The following LRP1B variants were observed in gnomAD, a reference collection of about 807,000 sequenced individuals.
The protein encoded by LRP1B is LDL receptor related protein 1B, also known as low-density lipoprotein receptor-related protein 1B.
In LRP1B, 217 loss-of-function variants were observed where a neutral mutation model predicts 556.6. The observed-to-expected ratio is 0.39, with a 90% CI of 0.35 to 0.44. The LOEUF is 0.44. Ranked by LOEUF, LRP1B falls within the 20% of genes least tolerant of loss-of-function variation. The pLI is 1.00. For synonymous variants in LRP1B, 2,047 were observed against 1,865.8 expected (o/e 1.10, Z -2.50); for missense variants, 5,053 against 5,620.8 (o/e 0.90, Z 3.23).
At chr2:141,717,873 T>A (rs548806912) in intron 2 of LRP1B, among the ~76,000 whole-genome samples, 16 of 152,364 alleles carry the variant, frequency 1.1e-4, no homozygotes, top group African/African-American at 3.4e-4. Flanking sequence ...GCTCCTTCTA[T>A]GAGACAGAGT....
Position 140,982,255 on chromosome 2 carries a change from T to G in LRP1B, c.2792A>C (p.Gln931Pro). ...TCTARTCQVD[Q>P]FSCGNGRCIP... ...GCAACGCCCATTTCCGCAAGAAAAC[T>G]GGTCTACCTGGCATGTTCTGGCTAT... The change falls in exon 18 of 91, where the codon CAG (glutamine) becomes CCG (proline). Residue 931 changes from glutamine to proline, a missense_variant. Gln to Pro is a moderately conservative substitution (Grantham distance 76). Around this residue, in one of 5 missense-constraint regions of LRP1B, gnomAD observed 3,619 missense variants for 3,931.9 expected, o/e 0.92. Transcript: ENST00000389484. The G allele has an allele frequency of 6.2e-7, 1 of 1,613,106 alleles. No individual in the cohort carries two copies. Among genetic ancestry groups the G allele is most frequent in the Non-Finnish European group, 8.5e-7 (1 of 1,179,326 alleles).
At chr2:140,985,974 T>C (rs975591977) in intron 17 of LRP1B, among the ~76,000 whole-genome samples, 3 of 151,894 alleles carry the variant, frequency 2.0e-5, no homozygotes, top group South Asian at 4.1e-4. Flanking sequence ...GGTAACTACT[T>C]TTAATTTGTT....
At chr2:140,541,426 T>A (rs1379454488) in intron 44 of LRP1B, among the ~76,000 whole-genome samples, 2 of 152,078 alleles carry the variant, frequency 1.3e-5, no homozygotes, top group African/African-American at 4.8e-5. Context: ...AGTTTATCTA[T>A]CAAGTGTAAT....
intron 2 of LRP1B, among the ~76,000 whole-genome samples, chr2:141,733,558 T>C (rs1029311592): frequency 3.9e-5 from 6 of 152,104 alleles, no homozygotes; most frequent in African/African-American, 2.4e-5. Context: ...TCCTTTAATG[T>C]CTCCCCGCTG....
At chr2:142,017,935 C>T (rs1237670201) in intron 1 of LRP1B, among the ~76,000 whole-genome samples, 2 of 146,424 alleles carry the variant, frequency 1.4e-5, no homozygotes, top group Non-Finnish European at 3.0e-5. Flanking sequence ...TATTTGTGCT[C>T]ATCTATCTAC....
At chr2:140,860,233 A>C (rs2105139198) in intron 27 of LRP1B, among the ~76,000 whole-genome samples, 1 of 152,312 alleles carries the variant, frequency 6.6e-6, no homozygotes, top group South Asian at 2.1e-4. Context: ...TGGATGTCTT[A>C]TAAAACAGGG....
chr2:140,287,718 C>T (rs911888696), intron 84 of LRP1B, among the ~76,000 whole-genome samples: 2 of 150,354 alleles, frequency 1.3e-5, no homozygotes, highest in East Asian at 2.0e-4. Context: ...GACTAAGTGG[C>T]TTCCTATTCC....
chr2:141,664,332 A>C (rs994099582), intron 2 of LRP1B, among the ~76,000 whole-genome samples: 1 of 152,192 alleles, frequency 6.6e-6, no homozygotes, highest in South Asian at 2.1e-4. Context: ...ACTCTTATTC[A>C]ACATAGTATT....
At chr2:140,255,636 T>G (rs72910132) in intron 86 of LRP1B, among the ~76,000 whole-genome samples, 3 of 152,154 alleles carry the variant, frequency 2.0e-5, no homozygotes, top group African/African-American at 7.2e-5. Context: ...TGCTGATCAG[T>G]GTACTTGCTG....
chr2:140,347,992 TATTAATAC>T (rs1681770314), intron 77 of LRP1B, among the ~76,000 whole-genome samples: 1 of 152,066 alleles, frequency 6.6e-6, no homozygotes, highest in Non-Finnish European at 1.5e-5. Context: ...GAAAATCAAT[TATTAATAC>T]ATAAGACAGA....
At chr2:141,517,704 G>A (rs930181388) in intron 2 of LRP1B, among the ~76,000 whole-genome samples, 5 of 152,130 alleles carry the variant, frequency 3.3e-5, no homozygotes, top group African/African-American at 1.2e-4. Flanking sequence ...TACCCACCAA[G>A]AAGTTAGTCA....
At chr2:140,359,247 G>A (rs1682393332) in intron 72 of LRP1B, among the ~76,000 whole-genome samples, 2 of 151,600 alleles carry the variant, frequency 1.3e-5, no homozygotes, top group African/African-American at 2.4e-5. Flanking sequence ...ATTAATTTAT[G>A]CCTACAATTA....
chr2:141,034,777 A>T (rs1272880526), intron 11 of LRP1B, among the ~76,000 whole-genome samples: 2 of 149,306 alleles, frequency 1.3e-5, no homozygotes, highest in African/African-American at 5.0e-5. Flanking sequence ...AACTAGTTCA[A>T]CCATTGTGGA....
chr2:141,531,274 C>A (rs1684862662), intron 2 of LRP1B, among the ~76,000 whole-genome samples: 1 of 150,048 alleles, frequency 6.7e-6, no homozygotes, highest in African/African-American at 2.4e-5. Flanking sequence ...ACTATATTAT[C>A]ACGTTAATAT....
intron 6 of LRP1B, among the ~76,000 whole-genome samples, chr2:141,190,918 A>G (rs1199984638): frequency 6.6e-6 from 1 of 152,002 alleles, no homozygotes; most frequent in East Asian, 1.9e-4. Context: ...TCATAGAAAC[A>G]GCAAATACTG....
intron 3 of LRP1B, among the ~76,000 whole-genome samples, chr2:141,316,754 TC>T (rs1444952294): frequency 6.6e-6 from 1 of 152,198 alleles, no homozygotes; most frequent in Non-Finnish European, 1.5e-5. Flanking sequence ...AAGTTGACCA[TC>T]TTTTGATGTG....
intron 66 of LRP1B, among the ~76,000 whole-genome samples, chr2:140,435,543 G>A (rs1323617589): frequency 6.6e-6 from 1 of 151,828 alleles, no homozygotes; most frequent in Non-Finnish European, 1.5e-5. Context: ...TTTCTCTTAC[G>A]GCTTTTGCTA....
chr2:140,950,543 G>C, intron 19 of LRP1B, 141 bp from the exon 20 acceptor site: 1 of 563,308 alleles, frequency 1.8e-6, no homozygotes, highest in South Asian at 2.9e-5. Flanking sequence ...TAGTGCAGTG[G>C]CACTATCTCG....
chr2:140,568,189 G>A (rs1210359518), intron 43 of LRP1B, among the ~76,000 whole-genome samples: 2 of 97,272 alleles, frequency 2.1e-5, no homozygotes, highest in South Asian at 4.3e-4. Flanking sequence ...TTAAGATAAT[G>A]CACCATGGTC....
Sources: gnomAD v4.1 joint callset for allele counts (sites outside exome capture counted in the v4.1 genomes callset) on GRCh38, gnomAD v4.1.1 for gene constraint, gnomAD v4.1.1 regional missense constraint, MANE v1.5 for transcripts, NCBI Gene and HGNC (gene_info 2026-07-23, HGNC 2026-07-21) for gene names.